Variants in ESRRB observed in about 807,000 individuals in gnomAD.
The protein encoded by ESRRB is steroid hormone receptor ERR2.
ESRRB carries 16 observed loss-of-function variants against 46.0 expected under a neutral mutation model. The observed-to-expected ratio is 0.35, with a 90% CI of 0.24 to 0.53. The LOEUF (loss-of-function observed/expected upper bound fraction) is 0.53. Among genes scored for constraint, ESRRB ranks in the 20% least tolerant of loss-of-function variants. ESRRB has a pLI of 0.93. For missense variants in ESRRB, 488 were observed against 607.4 expected, an observed-to-expected ratio of 0.80 and a Z score of 2.07; for synonymous variants, 246 against 259.6, an observed-to-expected ratio of 0.95 and a Z score of 0.50.
chr14:76,479,839 G>C (rs180962413), intron 3 of ESRRB, among the ~76,000 whole-genome samples: 1 of 152,246 alleles, frequency 6.6e-6, no homozygotes, highest in East Asian at 1.9e-4. Context: ...ACTTCCAACA[G>C]TTTCCGTATT....
At chr14:76,494,965 G>A (rs1051706654) in intron 6 of ESRRB, among the ~76,000 whole-genome samples, 13 of 152,228 alleles carry the variant, frequency 8.5e-5, no homozygotes, top group East Asian at 3.9e-4. Flanking sequence ...CCTCAGTACC[G>A]GACCACACCA....
chr14:76,404,260 G>A (rs542667714), intron 1 of ESRRB: 1 of 151,846 alleles, frequency 6.6e-6, no homozygotes, highest in Non-Finnish European at 1.5e-5. Context: ...CCCACAAACA[G>A]TGTGTCTGCA....
At chr14:76,328,995 G>A (rs1883970990) in intron 1 of ESRRB, among the ~76,000 whole-genome samples, 1 of 152,206 alleles carries the variant, frequency 6.6e-6, no homozygotes, top group Non-Finnish European at 1.5e-5. Context: ...AAGAGAGCAG[G>A]GGCTGAAAAA....
At chr14:76,491,418 G>A in intron 5 of ESRRB, 29 bp from the exon 6 acceptor site, 1 of 1,605,406 alleles carries the variant, frequency 6.2e-7, no homozygotes, top group East Asian at 2.2e-5. Context: ...CTGACCTGCT[G>A]CTGCCCTCTG....
At chr14:76,358,060 C>T (rs548060824) in intron 1 of ESRRB, among the ~76,000 whole-genome samples, 1 of 151,734 alleles carries the variant, frequency 6.6e-6, no homozygotes, top group East Asian at 1.9e-4. Context: ...GCCTGTAATC[C>T]CAGCACTTTG....
intron 3 of ESRRB, among the ~76,000 whole-genome samples, chr14:76,476,444 T>C (rs900881902): frequency 1.3e-5 from 2 of 152,206 alleles, no homozygotes; most frequent in Non-Finnish European, 2.9e-5. Context: ...GTTTCCTGAG[T>C]CTACTTTTAG....
At chr14:76,340,608 A>C (rs1243313449) in intron 1 of ESRRB, among the ~76,000 whole-genome samples, 1 of 152,138 alleles carries the variant, frequency 6.6e-6, no homozygotes, top group Non-Finnish European at 1.5e-5. Context: ...CGTTCTCCCC[A>C]TCCCCACCTT....
intron 1 of ESRRB, among the ~76,000 whole-genome samples, chr14:76,363,047 T>A (rs1055996847): frequency 6.6e-6 from 1 of 152,216 alleles, no homozygotes; most frequent in African/African-American, 2.4e-5. Flanking sequence ...TAAAGACCCA[T>A]CCTCTACCCT....
chr14:76,415,451 G>A (rs1392171818), intron 1 of ESRRB, among the ~76,000 whole-genome samples: 2 of 152,142 alleles, frequency 1.3e-5, no homozygotes, highest in African/African-American at 4.8e-5. Context: ...CACGAGGTCA[G>A]GAGTTTGAGA....
intron 5 of ESRRB, among the ~76,000 whole-genome samples, chr14:76,489,263 A>G (rs1415809474): frequency 1.3e-5 from 2 of 151,478 alleles, no homozygotes; most frequent in South Asian, 2.1e-4. Flanking sequence ...ACTCCCCCCA[A>G]CACACTCTCC....
At chr14:76,318,266 A>G (rs11622068) in intron 1 of ESRRB, among the ~76,000 whole-genome samples, 83,726 of 151,952 alleles carry the variant, frequency 0.55, 24,775 homozygotes, top group Middle Eastern at 0.79. Flanking sequence ...CGAGGAGCAC[A>G]GTTGAGGTTT....
chr14:76,478,924 A>G (rs933439156), intron 3 of ESRRB, among the ~76,000 whole-genome samples: 5 of 152,156 alleles, frequency 3.3e-5, no homozygotes, highest in Admixed American at 1.3e-4. Context: ...CCAAAGTGCT[A>G]GCAGCACATA....
chr14:76,396,016 T>C (rs1885663387), intron 1 of ESRRB, among the ~76,000 whole-genome samples: 1 of 151,758 alleles, frequency 6.6e-6, no homozygotes, highest in African/African-American at 2.4e-5. Flanking sequence ...TTACTAAAAA[T>C]ACAAAAACTA....
chr14:76,362,911 C>T (rs1884480556), intron 1 of ESRRB, among the ~76,000 whole-genome samples: 1 of 152,084 alleles, frequency 6.6e-6, no homozygotes, highest in Admixed American at 6.5e-5. Flanking sequence ...AGTTTGAAAG[C>T]CATTTCTTTA....
At position 76,454,996 on chromosome 14, in the gene ESRRB, C is replaced by T. The variant is rs183095224; in HGVS notation, c.461-7549C>T. Among the ~76,000 whole-genome samples the T allele has an allele frequency of 7.9e-5, 12 of 151,698 alleles. No homozygotes were observed. The East Asian group carries it at 2.1e-3, about 27-fold the overall frequency. On this transcript the variant is annotated intron_variant, in intron 2 of 6. Transcript: ENST00000644823. ...GGTGAGGAGTTTGAGACCAGCCTGG[C>T]CAACACGGTGAGGAGTTTGAGACCA...
At chr14:76,379,160 T>G (rs1018516332) in intron 1 of ESRRB, among the ~76,000 whole-genome samples, 1 of 152,180 alleles carries the variant, frequency 6.6e-6, no homozygotes, top group East Asian at 1.9e-4. Flanking sequence ...TTGCTCTCCT[T>G]CATTTTCATT....
chr14:76,387,396 A>C (rs1885280876), intron 1 of ESRRB, among the ~76,000 whole-genome samples: 1 of 152,180 alleles, frequency 6.6e-6, no homozygotes. Context: ...ACAGTTCTGC[A>C]ACAGAGCCTT....
rs1391443922 is a variant in ESRRB, at chr14:76,482,350, C to G, written c.688+224C>G. Reference sequence around the variant, plus strand: ...AGAACATGCTCCCCTTGCCACCCACCCAAAGTTGCTCTGCAGGTTCCTCCT... The same window carrying G: ...AGAACATGCTCCCCTTGCCACCCACGCAAAGTTGCTCTGCAGGTTCCTCCT... On this transcript the variant is annotated intron_variant, in intron 4 of 6. Transcript: ENST00000644823. The surrounding 1 kb of genome is among the most constrained non-coding windows in gnomAD (Gnocchi z 4.3). Among the ~76,000 whole-genome samples the G allele has an allele frequency of 6.6e-6, 1 of 152,214 alleles. No individual in the cohort carries two copies. Among genetic ancestry groups the G allele is most frequent in the African/African-American group, 2.4e-5 (1 of 41,452 alleles).
chr14:76,390,959 C>G lies in ESRRB; in HGVS notation c.50+14508C>G, dbSNP rs146442970. ...CCAAGCTGCAGCATGAAGGGAGGCT[C>G]TGTGTGTGGCTGCAGCGGGGCCCCA... On this transcript the variant is annotated intron_variant, in intron 1 of 6. Coordinates refer to ENST00000644823, the MANE Select transcript of ESRRB (RefSeq NM_001379180.1). Among the ~76,000 whole-genome samples the G allele has an allele frequency of 1.2e-4, 19 of 152,334 alleles. No individual in the cohort carries two copies. The East Asian group carries it at 3.7e-3, about 29-fold the overall frequency.
Sources: allele counts gnomAD v4.1 joint callset (sites outside exome capture counted in the v4.1 genomes callset), GRCh38; gene constraint gnomAD v4.1.1; non-coding constraint Gnocchi (gnomAD v3.1); transcripts MANE v1.5; gene names NCBI Gene and HGNC (gene_info 2026-07-23, HGNC 2026-07-21).